PRKCE: variants seen among roughly 807,000 people sequenced by gnomAD.
PRKCE encodes the protein protein kinase C epsilon type.
Under a neutral mutation model 85.4 loss-of-function variants are expected in PRKCE, and 16 were observed. That is an observed-to-expected ratio of 0.19 (90% CI 0.13 to 0.28). PRKCE has a LOEUF of 0.28. Ranked by LOEUF, PRKCE falls within the 10% of genes least tolerant of loss-of-function variation. The probability of loss-of-function intolerance (pLI) is 1.00; values close to 1 mark genes in which losing one functional copy is unlikely to be tolerated. For synonymous variants in PRKCE, 388 were observed against 371.5 expected, an observed-to-expected ratio of 1.04 and a Z score of -0.51; for missense variants, 573 against 975.2, an observed-to-expected ratio of 0.59 and a Z score of 5.49.
intron 1 of PRKCE, among the ~76,000 whole-genome samples, chr2:45,741,184 A>G (rs1005050163): frequency 2.6e-5 from 4 of 152,202 alleles, no homozygotes; most frequent in Admixed American, 6.5e-5. Flanking sequence ...GTAATTATGG[A>G]AGCAGTCTTA....
intron 10 of PRKCE, among the ~76,000 whole-genome samples, chr2:46,046,299 C>T (rs904151910): frequency 5.3e-5 from 8 of 152,202 alleles, no homozygotes; most frequent in Non-Finnish European, 7.3e-5. Flanking sequence ...ATGCTCTAGC[C>T]GTTGGATATA....
At chr2:45,695,145 G>T (rs560604548) in intron 1 of PRKCE, among the ~76,000 whole-genome samples, 2 of 152,320 alleles carry the variant, frequency 1.3e-5, no homozygotes, top group South Asian at 4.1e-4. Flanking sequence ...CAGAAGGAAG[G>T]TTATTGTAAA....
intron 2 of PRKCE, among the ~76,000 whole-genome samples, chr2:45,951,091 A>G (rs191693547): frequency 1.3e-5 from 2 of 152,336 alleles, no homozygotes; most frequent in Admixed American, 6.5e-5. Flanking sequence ...CTGTAAAGCC[A>G]GTGTTCAAAC....
intron 1 of PRKCE, among the ~76,000 whole-genome samples, chr2:45,801,602 G>A (rs925099143): frequency 6.6e-6 from 1 of 152,216 alleles, no homozygotes; most frequent in African/African-American, 2.4e-5. Flanking sequence ...GCTTCAAGAT[G>A]CTGGGAATTT....
chr2:45,696,822 G>A (rs1347459806), intron 1 of PRKCE, among the ~76,000 whole-genome samples: 1 of 152,136 alleles, frequency 6.6e-6, no homozygotes, highest in Non-Finnish European at 1.5e-5. Flanking sequence ...TAGACTTTTA[G>A]ACTCACTGCA....
chr2:46,157,792 A>C (rs1242588793), intron 13 of PRKCE, among the ~76,000 whole-genome samples: 1 of 152,214 alleles, frequency 6.6e-6, no homozygotes, highest in African/African-American at 2.4e-5. Context: ...TGAGGAATCT[A>C]CTACACCCTT....
At chr2:45,994,452 C>G (rs1020268150) in intron 6 of PRKCE, among the ~76,000 whole-genome samples, 1 of 152,202 alleles carries the variant, frequency 6.6e-6, no homozygotes, top group Non-Finnish European at 1.5e-5. Flanking sequence ...TCATCCCTCC[C>G]TCTCTCCTAA....
At position 46,001,269 on chromosome 2, in the gene PRKCE, A is replaced by G. The variant is rs953090291; in HGVS notation, c.824-135A>G. On this transcript the variant is annotated intron_variant, in intron 6 of 14. Transcript: ENST00000306156. This position sits in a 1 kb window ranked among gnomAD's most constrained non-coding sequence, Gnocchi z 4.4. ...ATGGAAGACATATATATATATATAT[A>G]TATTTCTGTATTTTCCAAATTATAT... 12 of 547,960 alleles carry G rather than the reference A, an allele frequency of 2.2e-5. No homozygotes were observed. In the African/African-American group the frequency reaches 2.5e-4, roughly 11 times the overall value. The allele number at this position is 547,960 out of a possible 1,614,324, so 33.9% of individuals were successfully genotyped here.
At chr2:45,779,603 T>TA (rs747138886) in intron 1 of PRKCE, among the ~76,000 whole-genome samples, 1,767 of 114,322 alleles carry the variant, frequency 0.015, 24 homozygotes, top group African/African-American at 0.036. Context: ...TATATTAAAG[T>TA]AAAAAAAAAA....
intron 1 of PRKCE, among the ~76,000 whole-genome samples, chr2:45,701,192 CA>C: frequency 6.6e-6 from 1 of 152,280 alleles, no homozygotes; most frequent in African/African-American, 2.4e-5. Context: ...AATAGGTGCT[CA>C]ATGAACAGTA....
chr2:45,874,707 A>G (rs1363170235), intron 2 of PRKCE, among the ~76,000 whole-genome samples: 1 of 152,192 alleles, frequency 6.6e-6, no homozygotes, highest in African/African-American at 2.4e-5. Flanking sequence ...TGGTGATTGA[A>G]AAGCAGCTGG....
chr2:46,122,241 TG>T (rs1264694172), intron 11 of PRKCE, among the ~76,000 whole-genome samples: 4 of 152,196 alleles, frequency 2.6e-5, no homozygotes, highest in Admixed American at 2.6e-4. Flanking sequence ...GTTTTTGTTT[TG>T]TTTTTTTGAG....
Position 46,184,340 on chromosome 2 carries a change from TGGGTCACAGGGAG to T in PRKCE, c.2068-393_2068-381del, listed in dbSNP as rs1680283698. 6.6e-6 allele frequency among the ~76,000 whole-genome samples: 1 copy of T among 152,044 alleles called. No homozygotes were observed. Among genetic ancestry groups the T allele is most frequent in the African/African-American group, 2.4e-5 (1 of 41,378 alleles). On this transcript the variant is annotated intron_variant, in intron 14 of 14. Coordinates refer to ENST00000306156, the MANE Select transcript of PRKCE (RefSeq NM_005400.3). The surrounding 1 kb of genome is among the most constrained non-coding windows in gnomAD (Gnocchi z 5.0). ...TGAGAGGGGATTCAGATCTGTTCCCTGGGTCACAGGGAGGAATGTTGTAATGGAGCCAGTAGGT... is the reference window on the plus strand; with the variant it reads ...TGAGAGGGGATTCAGATCTGTTCCCTGAATGTTGTAATGGAGCCAGTAGGT...
chr2:46,181,737 C>T (rs1679995749), intron 14 of PRKCE, among the ~76,000 whole-genome samples: 1 of 152,224 alleles, frequency 6.6e-6, no homozygotes, highest in Non-Finnish European at 1.5e-5. Flanking sequence ...GAGCCAGTGC[C>T]AGAGGGCTTA....
rs111414598 is a variant in PRKCE at position 46,152,609 on chromosome 2, C to T, written c.1920+1380C>T. On this transcript the variant is annotated intron_variant, in intron 13 of 14. Coordinates refer to ENST00000306156, the MANE Select transcript of PRKCE (RefSeq NM_005400.3). ...TGTTACCCAGGCTGGAGTGCAGTGG[C>T]GTGATCTCGGCTCACTGCAACCTCT... 2.5e-3 allele frequency among the ~76,000 whole-genome samples: 371 copies of T among 150,128 alleles called. 3 individuals carry two copies. The highest frequency in any genetic ancestry group is 8.6e-3 in the African/African-American group (351 of 40,868).
chr2:46,116,100 C>G (rs180977664), intron 11 of PRKCE, among the ~76,000 whole-genome samples: 2 of 152,242 alleles, frequency 1.3e-5, no homozygotes, highest in African/African-American at 4.8e-5. Context: ...TGCTTAGTCT[C>G]GAAATGTTTC....
intron 8 of PRKCE, among the ~76,000 whole-genome samples, chr2:46,005,558 C>T (rs1705113939): frequency 1.3e-5 from 2 of 152,104 alleles, no homozygotes; most frequent in African/African-American, 4.8e-5. Context: ...AAAGTTCTGT[C>T]CCAAGGTTTG....
intron 12 of PRKCE, among the ~76,000 whole-genome samples, chr2:46,147,931 C>T (rs1241545966): frequency 6.6e-6 from 1 of 152,248 alleles, no homozygotes. Context: ...GGAGCCATAA[C>T]TCCTTCCCTA....
intron 1 of PRKCE, among the ~76,000 whole-genome samples, chr2:45,673,038 TA>T (rs1282048970): frequency 6.6e-6 from 1 of 152,076 alleles, no homozygotes; most frequent in Non-Finnish European, 1.5e-5. Flanking sequence ...CTGTCTCTAA[TA>T]AAAACAAACA....
Sources: gnomAD v4.1 joint callset for allele counts (sites outside exome capture counted in the v4.1 genomes callset) on GRCh38, gnomAD v4.1.1 for gene constraint, Gnocchi (gnomAD v3.1) non-coding constraint, MANE v1.5 for transcripts, NCBI Gene and HGNC (gene_info 2026-07-23, HGNC 2026-07-21) for gene names.